The following SH3YL1 variants were observed in gnomAD, a reference collection of about 807,000 sequenced individuals.
SH3YL1 encodes SH3 domain-containing YSC84-like protein 1.
In SH3YL1, 41 loss-of-function variants were observed where a neutral mutation model predicts 45.8. The ratio of observed to expected loss-of-function variants is 0.89; its 90% CI spans 0.70 to 1.16. The LOEUF is 1.16. SH3YL1 is among the 50% of genes most tolerant of loss of function. The pLI is 0.00. For synonymous variants in SH3YL1, 152 were observed against 151.4 expected (o/e 1.00, Z -0.03); for missense variants, 389 against 409.6 (o/e 0.95, Z 0.43).
intron 4 of SH3YL1, chr2:243,509 T>C: frequency 5.2e-6 from 8 of 1,539,382 alleles, no homozygotes; most frequent in Non-Finnish European, 7.0e-6. Context: ...ATACCCACAC[T>C]TATGGAAGGC....
intron 9 of SH3YL1, among the ~76,000 whole-genome samples, chr2:220,962 CATA>C (rs1187893040): frequency 6.6e-6 from 1 of 152,180 alleles, no homozygotes; most frequent in Non-Finnish European, 1.5e-5. Context: ...ATCAAAAATG[CATA>C]ATAAGGACGA....
intron 1 of SH3YL1, chr2:261,424 A>G (rs866738155): frequency 6.6e-6 from 1 of 152,254 alleles, no homozygotes; most frequent in Admixed American, 6.5e-5. Flanking sequence ...CTAAAAAAAG[A>G]GTGGCTGCCA....
rs774428425 is a variant in SH3YL1, at chr2:233,069, T to G, written c.533+32A>C. 2 of 1,518,364 alleles carry G rather than the reference T, an allele frequency of 1.3e-6. 1 individual carries two copies. The highest frequency in any genetic ancestry group is 2.6e-5 in the South Asian group (2 of 77,806). The allele number at this position is 1,518,364 out of a possible 1,614,324, so 94.1% of individuals were successfully genotyped here. Reference sequence around the variant, plus strand: ...TTGAAGTACTATTTTCTCATCACACTTTCAATTAAAATCACTTTAACTTGA... The same window carrying G: ...TTGAAGTACTATTTTCTCATCACACGTTCAATTAAAATCACTTTAACTTGA... On this transcript the variant is annotated intron_variant, in intron 6 of 9. Transcript: ENST00000356150.
chr2:264,729 G>C (rs192881649), upstream of SH3YL1: 2 of 472,054 alleles, frequency 4.2e-6, no homozygotes, highest in Admixed American at 4.4e-5. Context: ...GCAGGTGAAC[G>C]GCGGCCCAGT....
intron 1 of SH3YL1, among the ~76,000 whole-genome samples, chr2:258,497 T>C (rs903428191): frequency 2.0e-5 from 3 of 152,250 alleles, no homozygotes; most frequent in Admixed American, 2.0e-4. Context: ...TATGTTTTCC[T>C]GTTTTTACTC....
intron 5 of SH3YL1, 41 bp from the exon 6 acceptor site, chr2:233,270 C>G: frequency 1.3e-6 from 2 of 1,489,152 alleles, no homozygotes; most frequent in Non-Finnish European, 1.8e-6. Flanking sequence ...CTGTGAGCAG[C>G]TCCAAGCCGA....
intron 1 of SH3YL1, chr2:259,907 A>C (rs1185352457): frequency 6.6e-6 from 1 of 151,686 alleles, no homozygotes; most frequent in East Asian, 1.9e-4. Context: ...GAATTATAGA[A>C]TTTTTTTTCA....
intron 2 of SH3YL1, among the ~76,000 whole-genome samples, chr2:252,359 T>C (rs1669105196): frequency 6.6e-6 from 1 of 152,196 alleles, no homozygotes; most frequent in Non-Finnish European, 1.5e-5. Flanking sequence ...CTTGCAGAGT[T>C]CTTAGCACGC....
intron 4 of SH3YL1, chr2:243,630 TTAAC>T: frequency 4.0e-6 from 6 of 1,487,882 alleles, no homozygotes; most frequent in Non-Finnish European, 5.4e-6. Context: ...GAAGAAGAGT[TTAAC>T]TAAACTTTAA....
chr2:225,921 A>G (rs186397656), intron 8 of SH3YL1, among the ~76,000 whole-genome samples: 4 of 152,220 alleles, frequency 2.6e-5, no homozygotes, highest in Non-Finnish European at 4.4e-5. Flanking sequence ...TTATATCTCA[A>G]AGTAATAAAT....
chr2:238,007 C>A (rs1418794354), intron 4 of SH3YL1, among the ~76,000 whole-genome samples: 1 of 152,106 alleles, frequency 6.6e-6, no homozygotes, highest in Admixed American at 6.6e-5. Flanking sequence ...ACCCCATCTC[C>A]CTCTTGTGTG....
At chr2:229,451 C>T (rs373193240) in intron 8 of SH3YL1, among the ~76,000 whole-genome samples, 86 of 152,088 alleles carry the variant, frequency 5.7e-4, no homozygotes, top group African/African-American at 2.0e-3. Flanking sequence ...TCTTATGGGC[C>T]GGGCACGGTG....
chr2:264,490 C>T (rs1276602618), upstream of SH3YL1: 1 of 181,512 alleles, frequency 5.5e-6, no homozygotes, highest in East Asian at 1.5e-4. Flanking sequence ...GCGGCCCTTC[C>T]TCCTCCAGGT....
intron 9 of SH3YL1, among the ~76,000 whole-genome samples, chr2:220,078 C>T (rs1252587020): frequency 6.6e-6 from 1 of 150,806 alleles, no homozygotes; most frequent in Admixed American, 6.7e-5. Context: ...GAGTCTGATG[C>T]TTCTATGCTT....
rs908920979 is a variant in SH3YL1 at position 249,895 on chromosome 2, G to A, written c.113-51C>T. 9 of 1,237,928 alleles carry A rather than the reference G, an allele frequency of 7.3e-6. No homozygotes were observed. The African/African-American group carries it at 1.3e-4, about 19-fold the overall frequency. The allele number at this position is 1,237,928 out of a possible 1,614,324, so 76.7% of individuals were successfully genotyped here. A position where few individuals can be genotyped will look rare whatever the true frequency, so the allele number is the denominator to read the frequency against. ...GGTAAGCATTTTGATCTATGTGCCT[G>A]GATAGACGAGCAAGTGTTAAACAGA... On this transcript the variant is annotated intron_variant, in intron 2 of 9. Coordinates refer to ENST00000356150, the MANE Select transcript of SH3YL1 (RefSeq NM_015677.4).
chr2:229,584 C>A (rs913762425), intron 8 of SH3YL1, among the ~76,000 whole-genome samples: 1 of 151,390 alleles, frequency 6.6e-6, no homozygotes, highest in Non-Finnish European at 1.5e-5. Flanking sequence ...AAAAAATTAG[C>A]CGGGCGTAGT....
At chr2:235,408 AGGGGAGGCAGCAT>A in intron 4 of SH3YL1, among the ~76,000 whole-genome samples, 1 of 95,714 alleles carries the variant, frequency 1.0e-5, no homozygotes, top group Non-Finnish European at 2.1e-5. Context: ...AGCATGGGCC[AGGGGAGGCAGCAT>A]GGGTCAGGGG....
intron 1 of SH3YL1, chr2:259,879 A>C (rs1669512254): frequency 1.3e-5 from 2 of 151,926 alleles, no homozygotes; most frequent in African/African-American, 4.8e-5. Context: ...GTCAAATATC[A>C]AATTATAAAA....
chr2:246,182 T>C (rs1328712652), intron 4 of SH3YL1, among the ~76,000 whole-genome samples: 1 of 147,338 alleles, frequency 6.8e-6, no homozygotes, highest in Non-Finnish European at 1.5e-5. Flanking sequence ...GTAACAAGAG[T>C]GAAACTCCAT....
Sources: gnomAD v4.1 joint callset for allele counts (sites outside exome capture counted in the v4.1 genomes callset) on GRCh38, gnomAD v4.1.1 for gene constraint, MANE v1.5 for transcripts, NCBI Gene and HGNC (gene_info 2026-07-23, HGNC 2026-07-21) for gene names.